The following PCSK6 variants were observed in gnomAD, a reference collection of about 807,000 sequenced individuals.
PCSK6 encodes paired basic amino acid cleaving enzyme 4.
PCSK6 carries 85 observed loss-of-function variants against 123.3 expected under a neutral mutation model. The ratio of observed to expected loss-of-function variants is 0.69; its 90% CI spans 0.58 to 0.83. The LOEUF is 0.83. Among genes scored for constraint, PCSK6 ranks in the 40% least tolerant of loss-of-function variants. The pLI, the probability that PCSK6 is intolerant of heterozygous loss-of-function variation, is 0.00. For missense variants in PCSK6, 1,191 were observed against 1,282.3 expected (o/e 0.93, Z 1.09); for synonymous variants, 508 against 516.0 (o/e 0.98, Z 0.21).
chr15:101,427,086 C>A (rs1292491318), intron 6 of PCSK6, among the ~76,000 whole-genome samples: 3 of 152,242 alleles, frequency 2.0e-5, no homozygotes, highest in African/African-American at 4.8e-5. Context: ...AGCTGTCACA[C>A]TGCCGGGCTC....
At chr15:101,399,646 G>T (rs1328027474) in intron 6 of PCSK6, among the ~76,000 whole-genome samples, 1 of 152,200 alleles carries the variant, frequency 6.6e-6, no homozygotes, top group Non-Finnish European at 1.5e-5. Flanking sequence ...CCCAGAGAAG[G>T]CATCTGAGAA....
chr15:101,318,735 T>C (rs1274298897), intron 18 of PCSK6, among the ~76,000 whole-genome samples: 1 of 152,228 alleles, frequency 6.6e-6, no homozygotes, highest in African/African-American at 2.4e-5. Context: ...TGAAGAGAAG[T>C]GGAGCTGTGT....
At chr15:101,307,147 T>C in intron 21 of PCSK6, 66 bp downstream of exon 21, 11 of 1,219,460 alleles carry the variant, frequency 9.0e-6, no homozygotes, top group South Asian at 1.3e-5. Context: ...CTTTTCTCTT[T>C]GGAGCACGAG....
At chr15:101,457,195 T>A (rs1281175497) in intron 1 of PCSK6, among the ~76,000 whole-genome samples, 1 of 151,560 alleles carries the variant, frequency 6.6e-6, no homozygotes, top group Non-Finnish European at 1.5e-5. Flanking sequence ...TAAATAAAAA[T>A]AAATAAATAA....
rs752684913 is a variant in PCSK6, at chr15:101,443,597, T to G, written c.361A>C (p.Ser121Arg). The G allele has an allele frequency of 6.2e-7, 1 of 1,614,008 alleles. No homozygotes were observed. The highest frequency in any genetic ancestry group is 1.3e-5 in the African/African-American group (1 of 75,046). ...HSKTFKRSTL[S>R]SRGPHTFLRM... The stretch of plus-strand genomic sequence containing the variant: ...AGGAAGGTGTGAGGGCCTCTGCTAC[T>G]CAAGGTTGATCTTTTAAAGGTTTTG... Residue 121 changes from serine to arginine, a missense_variant, in exon 2 of 22, where the codon AGT (serine) becomes CGT (arginine). Coordinates refer to ENST00000611716, the MANE Select transcript of PCSK6 (RefSeq NM_002570.5).
chr15:101,353,981 G>A (rs554508269), intron 13 of PCSK6, among the ~76,000 whole-genome samples: 1 of 152,350 alleles, frequency 6.6e-6, no homozygotes, highest in African/African-American at 2.4e-5. Flanking sequence ...CTCGGGCACT[G>A]TTTCGTTTAA....
intron 1 of PCSK6, among the ~76,000 whole-genome samples, chr15:101,450,636 G>A (rs1596346205): frequency 1.3e-5 from 2 of 152,180 alleles, no homozygotes; most frequent in African/African-American, 4.8e-5. Flanking sequence ...AAATGACATT[G>A]GGAGGATACA....
chr15:101,368,151 C>A (rs996611052), intron 12 of PCSK6, among the ~76,000 whole-genome samples: 1 of 152,230 alleles, frequency 6.6e-6, no homozygotes. Flanking sequence ...GGCGCAAGGA[C>A]AGCACTACCC....
Position 101,336,270 on chromosome 15 carries a change from A to C in PCSK6, c.1859-4239T>G, listed in dbSNP as rs188725814. Among the ~76,000 whole-genome samples, 24 of 152,328 alleles carry C rather than the reference A, an allele frequency of 1.6e-4. No individual in the cohort carries two copies. In the East Asian group the frequency reaches 4.2e-3, roughly 27 times the overall value. ...TAACGTCTCCGAATGTCTACCTCAC[A>C]GGGTTGCTTTGGAGATTAAATGACT... is the stretch of plus-strand genomic sequence containing the variant. On this transcript the variant is annotated intron_variant, in intron 13 of 21. Transcript: ENST00000611716.
At chr15:101,468,782 G>C (rs1273701618) in intron 1 of PCSK6, among the ~76,000 whole-genome samples, 2 of 152,198 alleles carry the variant, frequency 1.3e-5, no homozygotes, top group African/African-American at 4.8e-5. Flanking sequence ...TCTAGGATCA[G>C]CATGGAGTGT....
chr15:101,353,664 A>T (rs1054020124), intron 13 of PCSK6, among the ~76,000 whole-genome samples: 1 of 152,234 alleles, frequency 6.6e-6, no homozygotes, highest in African/African-American at 2.4e-5. Context: ...AAACAAAAAA[A>T]TCCAACCAGA....
At chr15:101,332,105 C>G in intron 13 of PCSK6, 74 bp from the exon 14 acceptor site, 1 of 1,333,852 alleles carries the variant, frequency 7.5e-7, no homozygotes. Flanking sequence ...AAGCCAGATG[C>G]TGCCTGGCTC....
chr15:101,421,404 A>G (rs1241900987), intron 6 of PCSK6, among the ~76,000 whole-genome samples: 1 of 152,212 alleles, frequency 6.6e-6, no homozygotes, highest in East Asian at 1.9e-4. Flanking sequence ...GGTGCGACCA[A>G]ATTTCTTTCC....
intron 13 of PCSK6, among the ~76,000 whole-genome samples, chr15:101,333,279 G>A (rs1035419513): frequency 2.2e-4 from 33 of 152,200 alleles, no homozygotes; most frequent in Admixed American, 2.2e-3. Context: ...TCATGCTGAC[G>A]GGGCTCCCGG....
At chr15:101,472,859 T>C (rs1487110810) in intron 1 of PCSK6, among the ~76,000 whole-genome samples, 1 of 152,222 alleles carries the variant, frequency 6.6e-6, no homozygotes, top group African/African-American at 2.4e-5. Context: ...CAGGGCTCTT[T>C]ATGAGTAACA....
chr15:101,323,831 A>T (rs778543085), intron 17 of PCSK6, among the ~76,000 whole-genome samples: 2 of 152,106 alleles, frequency 1.3e-5, no homozygotes, highest in African/African-American at 4.8e-5. Context: ...GTGCCATGAC[A>T]GGCCGGATCA....
intron 9 of PCSK6, among the ~76,000 whole-genome samples, chr15:101,387,525 C>G (rs73479156): frequency 0.017 from 2,584 of 152,286 alleles, 73 homozygotes; most frequent in African/African-American, 0.059. Context: ...TTGACTCTAG[C>G]AATAAAATCA....
chr15:101,424,547 CA>C (rs1341957539), intron 6 of PCSK6, among the ~76,000 whole-genome samples: 1 of 152,176 alleles, frequency 6.6e-6, no homozygotes, highest in African/African-American at 2.4e-5. Context: ...AGCCTGGCGA[CA>C]GGCTGAAGAT....
chr15:101,306,536 G>A (rs2039727781), intron 21 of PCSK6, among the ~76,000 whole-genome samples: 1 of 152,172 alleles, frequency 6.6e-6, no homozygotes. Flanking sequence ...CCTGCTGCTT[G>A]CTGGGCCAGA....
Sources: allele counts gnomAD v4.1 joint callset (sites outside exome capture counted in the v4.1 genomes callset), GRCh38; gene constraint gnomAD v4.1.1; transcripts MANE v1.5; gene names NCBI Gene and HGNC (gene_info 2026-07-23, HGNC 2026-07-21).